The following SLC44A1 variants were observed in gnomAD, a reference collection of about 807,000 sequenced individuals.
SLC44A1 encodes the protein solute carrier family 44 member 1, also known as choline transporter-like protein 1.
SLC44A1 carries 26 observed loss-of-function variants against 79.3 expected under a neutral mutation model. That is an observed-to-expected ratio of 0.33 (90% CI 0.24 to 0.46). The LOEUF (loss-of-function observed/expected upper bound fraction) is 0.46. Ranked by LOEUF, SLC44A1 falls within the 20% of genes least tolerant of loss-of-function variation. The pLI is 1.00. For synonymous variants in SLC44A1, 263 were observed against 286.2 expected (o/e 0.92, Z 0.82); for missense variants, 688 against 798.1 (o/e 0.86, Z 1.66).
rs112582216 is a variant in SLC44A1, at chr9:105,246,622, A to G, written c.36+1718A>G. 7.1e-3 allele frequency among the ~76,000 whole-genome samples: 1,084 copies of G among 152,246 alleles called. 11 individuals carry two copies. The highest frequency in any genetic ancestry group is 0.024 in the African/African-American group (1,003 of 41,542). ...GTGGGGGTCTAGTTGGGTGCTCTTT[A>G]ATATTTACTTAAGTATAATTTTCAC... On this transcript the variant is annotated intron_variant, in intron 1 of 15. Coordinates refer to ENST00000374720, the MANE Select transcript of SLC44A1 (RefSeq NM_080546.5).
chr9:105,333,840 G>A (rs1232612725), intron 3 of SLC44A1, among the ~76,000 whole-genome samples: 2 of 152,040 alleles, frequency 1.3e-5, no homozygotes, highest in Non-Finnish European at 2.9e-5. Flanking sequence ...TCTTAGTAGT[G>A]ATGGTGGTGG....
chr9:105,275,273 C>G (rs1011924616), intron 1 of SLC44A1, among the ~76,000 whole-genome samples: 2 of 152,236 alleles, frequency 1.3e-5, no homozygotes, highest in Middle Eastern at 6.8e-3. Flanking sequence ...GATTTTAGCT[C>G]TTTCATGGAA....
chr9:105,307,308 G>A (rs1831058305), intron 2 of SLC44A1, among the ~76,000 whole-genome samples: 1 of 152,104 alleles, frequency 6.6e-6, no homozygotes, highest in East Asian at 1.9e-4. Context: ...TACTGAATAC[G>A]AAGTCCATTC....
At chr9:105,271,663 G>T (rs567568175) in intron 1 of SLC44A1, among the ~76,000 whole-genome samples, 2 of 152,184 alleles carry the variant, frequency 1.3e-5, no homozygotes, top group African/African-American at 4.8e-5. Context: ...ACCCAGGCTG[G>T]AGTGCAGTGG....
At chr9:105,416,436 T>C (rs549956286) in intron 15 of SLC44A1, among the ~76,000 whole-genome samples, 1 of 151,956 alleles carries the variant, frequency 6.6e-6, no homozygotes, top group Non-Finnish European at 1.5e-5. Context: ...AGTGTAGCAA[T>C]AGAAGTGTGT....
At chr9:105,244,999 C>A in intron 1 of SLC44A1, 95 bp downstream of exon 1, 2 of 485,660 alleles carry the variant, frequency 4.1e-6, no homozygotes, top group Non-Finnish European at 6.0e-6. Flanking sequence ...CTCGCTGTCC[C>A]CAGCCTCCCC....
intron 12 of SLC44A1, among the ~76,000 whole-genome samples, chr9:105,372,882 G>C (rs923693727): frequency 3.4e-5 from 5 of 149,062 alleles, no homozygotes; most frequent in Non-Finnish European, 7.5e-5. Context: ...CCCGGGAGGC[G>C]GAGCTTGCAG....
At chr9:105,295,749 T>C (rs1830706008) in intron 1 of SLC44A1, among the ~76,000 whole-genome samples, 1 of 145,850 alleles carries the variant, frequency 6.9e-6, no homozygotes, top group Non-Finnish European at 1.5e-5. Flanking sequence ...GTCACAGACT[T>C]GGGGCGGGGA....
intron 15 of SLC44A1, among the ~76,000 whole-genome samples, chr9:105,411,077 G>A (rs1233045569): frequency 6.6e-6 from 1 of 152,110 alleles, no homozygotes; most frequent in East Asian, 1.9e-4. Flanking sequence ...TCCTTTTTGG[G>A]TAATGAAAAT....
Position 105,394,237 on chromosome 9 carries a change from T to C in SLC44A1, c.*5181T>C. ...GAAGTGATTAGGCCTCCACTAGAGA[T>C]ACTTTTGAGATGATGCTTACCACCT... On this transcript the variant is annotated 3_prime_UTR_variant, in exon 16 of 16. Transcript: ENST00000374720. The C allele has an allele frequency of 1.0e-6, 1 of 985,434 alleles. No individual in the cohort carries two copies. Among genetic ancestry groups the C allele is most frequent in the Non-Finnish European group, 1.2e-6 (1 of 829,934 alleles). The allele number at this position is 985,434 out of a possible 1,614,324, so 61.0% of individuals were successfully genotyped here.
At chr9:105,247,021 G>T (rs892336967) in intron 1 of SLC44A1, among the ~76,000 whole-genome samples, 2 of 151,784 alleles carry the variant, frequency 1.3e-5, no homozygotes, top group Admixed American at 6.6e-5. Context: ...ATGCTTTTAA[G>T]TTCAGCTTTA....
Position 105,365,511 on chromosome 9 carries a change from A to G in SLC44A1, c.1282A>G (p.Ile428Val). 1 of 1,613,382 alleles carries G rather than the reference A, an allele frequency of 6.2e-7. No individual in the cohort carries two copies. Among genetic ancestry groups the G allele is most frequent in the East Asian group, 2.2e-5 (1 of 44,854 alleles). ...RDKRNLPFTP[I>V]LASVNRLIRY... ...TAAAAGGAATTTGCCATTTACACCT[A>G]TTTTGGCATCAGTAAATCGCCTTAT... The change falls in exon 11 of 16, where the codon ATT becomes GTT. Residue 428 changes from isoleucine to valine, a missense_variant. Transcript: ENST00000374720.
At chr9:105,302,896 C>T (rs1830918243) in intron 2 of SLC44A1, among the ~76,000 whole-genome samples, 1 of 152,138 alleles carries the variant, frequency 6.6e-6, no homozygotes. Flanking sequence ...AGGCAGATCA[C>T]TCTGGAGGCT....
chr9:105,348,449 G>T lies in SLC44A1; in HGVS notation c.498G>T (p.Ala166=). ...SVLCPKLPVP[A]SAPIPFFHRC... ...TCTGCCCCAAACTACCAGTTCCAGC[G>T]AGGTAAATTTTATTGCAAAGTTGTT... is the stretch of plus-strand genomic sequence containing the variant. The change falls in exon 5 of 16, where the codon GCG becomes GCT. Residue 166 remains alanine (A), a splice_region_variant and synonymous_variant. Coordinates refer to ENST00000374720, the MANE Select transcript of SLC44A1 (RefSeq NM_080546.5). The T allele has an allele frequency of 6.3e-7, 1 of 1,588,610 alleles. No homozygotes were observed. Among genetic ancestry groups the T allele is most frequent in the East Asian group, 2.2e-5 (1 of 44,600 alleles).
chr9:105,429,195 G>A (rs548506414), intron 15 of SLC44A1, among the ~76,000 whole-genome samples: 3 of 152,292 alleles, frequency 2.0e-5, no homozygotes, highest in East Asian at 1.9e-4. Context: ...CACACAATTC[G>A]TATCTTGCCT....
chr9:105,299,712 C>T (rs779549611), intron 2 of SLC44A1: 106 of 875,792 alleles, frequency 1.2e-4, no homozygotes, highest in Non-Finnish European at 1.4e-4. Flanking sequence ...GCTGGTTGCT[C>T]ACTGCTCCTT....
chr9:105,288,939 G>C (rs1035171677), intron 1 of SLC44A1, among the ~76,000 whole-genome samples: 1 of 152,210 alleles, frequency 6.6e-6, no homozygotes, highest in African/African-American at 2.4e-5. Context: ...CTTCTTGAAA[G>C]ACTGGACTTC....
In SLC44A1 at chr9:105,358,438, G is replaced by A; in HGVS notation, c.760+5G>A. ...TGGTCATACTCGGTTCACTTGGTAA[G>A]CTATTTATTTCTTTGTTTTCTACCT... On this transcript the variant is annotated splice_donor_5th_base_variant and intron_variant, in intron 7 of 15. Coordinates refer to ENST00000374720, the MANE Select transcript of SLC44A1 (RefSeq NM_080546.5). The A allele has an allele frequency of 6.6e-7, 1 of 1,518,508 alleles. No individual in the cohort carries two copies. The highest frequency in any genetic ancestry group is 9.1e-7 in the Non-Finnish European group (1 of 1,094,124). 94.1% of individuals were successfully genotyped at this position (1,518,508 alleles called of 1,614,324 possible).
At chr9:105,369,887 T>A (rs150100813) in intron 12 of SLC44A1, among the ~76,000 whole-genome samples, 1 of 152,180 alleles carries the variant, frequency 6.6e-6, no homozygotes, top group Middle Eastern at 3.2e-3. Flanking sequence ...TTTAACTATA[T>A]CCCATCACAC....
Sources: gnomAD v4.1 joint callset for allele counts (sites outside exome capture counted in the v4.1 genomes callset) on GRCh38, gnomAD v4.1.1 for gene constraint, MANE v1.5 for transcripts, NCBI Gene and HGNC (gene_info 2026-07-23, HGNC 2026-07-21) for gene names.